Variants in AVL9 observed in about 807,000 individuals in gnomAD.
AVL9 encodes the protein AVL9 cell migration associated.
A neutral mutation model predicts 79.2 loss-of-function variants in AVL9; 49 were observed. That is an observed-to-expected ratio of 0.62 (90% CI 0.49 to 0.79). AVL9 has a LOEUF of 0.79. Among genes scored for constraint, AVL9 ranks in the 30% least tolerant of loss-of-function variants. The pLI is 0.00. For synonymous variants in AVL9, 299 were observed against 280.6 expected (o/e 1.07, Z -0.65); for missense variants, 682 against 776.8 (o/e 0.88, Z 1.45).
rs1791868444 is a variant in AVL9, at chr7:32,587,961, A to G, written c.*4054A>G. On this transcript the variant is annotated 3_prime_UTR_variant, in exon 16 of 16. Transcript: ENST00000318709. ...GGGGAAACTAGTTCCCTTGTATGGT[A>G]ACTCCAAAGTTAAAAAATTGTGCAT... The G allele has an allele frequency of 6.6e-6, 1 of 152,220 alleles. No homozygotes were observed. The highest frequency in any genetic ancestry group is 1.5e-5 in the Non-Finnish European group (1 of 68,040). The allele number at this position is 152,220 out of a possible 1,614,324, so 9.4% of individuals were successfully genotyped here.
At chr7:32,534,352 T>C (rs1224556714) in intron 1 of AVL9, 2 of 151,426 alleles carry the variant, frequency 1.3e-5, no homozygotes, top group Non-Finnish European at 2.9e-5. Flanking sequence ...TGATACATTT[T>C]TTATGCATTG....
chr7:32,573,183 C>T lies in AVL9; in HGVS notation c.1351-16C>T, dbSNP rs755579673. ...GTGAATGCCCAGACTCTGACTTGTA[C>T]CTGGATACCCTCTAGGTAGAAGAAG... On this transcript the variant is annotated splice_polypyrimidine_tract_variant and intron_variant, in intron 11 of 15. Coordinates refer to ENST00000318709, the MANE Select transcript of AVL9 (RefSeq NM_015060.3). 7.3e-5 allele frequency: 117 copies of T among 1,609,376 alleles called. No individual in the cohort carries two copies. Among genetic ancestry groups the T allele is most frequent in the Non-Finnish European group, 7.0e-5 (82 of 1,176,376 alleles).
At chr7:32,582,088 A>T (rs533173456) in intron 15 of AVL9, among the ~76,000 whole-genome samples, 41 of 152,266 alleles carry the variant, frequency 2.7e-4, no homozygotes, top group East Asian at 3.9e-4. Flanking sequence ...CAGTTCTAAA[A>T]TTTTTCATTC....
chr7:32,565,097 G>A (rs1039910217), intron 10 of AVL9, among the ~76,000 whole-genome samples: 3 of 152,182 alleles, frequency 2.0e-5, no homozygotes, highest in Non-Finnish European at 2.9e-5. Flanking sequence ...GCACATTGGA[G>A]CAAAATAGTT....
chr7:32,559,425 A>G lies in AVL9; in HGVS notation c.1176A>G (p.Glu392=), dbSNP rs144601168. The stretch of plus-strand genomic sequence containing the variant: ...TACCAGGGCTCATTTCGGGTTTGGA[A>G]GAGGATCAGTATGGCATGCCCCTGG... ...VLIPGLISGL[E]EDQYGMPLAI... Residue 392 remains glutamate (E), a synonymous_variant, in exon 10 of 16, where the codon GAA becomes GAG. Transcript: ENST00000318709. 6.2e-7 allele frequency: 1 copy of G among 1,603,698 alleles called. No homozygotes were observed. The highest frequency in any genetic ancestry group is 8.5e-7 in the Non-Finnish European group (1 of 1,175,582).
intron 1 of AVL9, among the ~76,000 whole-genome samples, chr7:32,498,302 G>C (rs1786954229): frequency 7.7e-6 from 1 of 129,950 alleles, no homozygotes; most frequent in African/African-American, 2.9e-5. Flanking sequence ...GGAGTTCAGT[G>C]CAGTGGCGCG....
At chr7:32,499,789 C>G (rs1352390199) in intron 1 of AVL9, among the ~76,000 whole-genome samples, 1 of 152,072 alleles carries the variant, frequency 6.6e-6, no homozygotes, top group African/African-American at 2.4e-5. Context: ...ATGTTCCCCT[C>G]CCTGTGTCCA....
In AVL9 at chr7:32,551,369, C is replaced by T. The variant is rs765112789; in HGVS notation, c.408C>T (p.Leu136=). 1.6e-5 allele frequency: 26 copies of T among 1,611,478 alleles called. No homozygotes were observed. The highest frequency in any genetic ancestry group is 2.0e-5 in the Non-Finnish European group (24 of 1,178,232). ...GTTTACTTCAAGCAAAACTTCAACT[C>T]ATTACACATGCATATTTTGAAGAGA... ...LYGLLQAKLQ[L]ITHAYFEEKD... Residue 136 remains leucine (L), a synonymous_variant, in exon 5 of 16, where the codon CTC becomes CTT. Transcript: ENST00000318709.
At chr7:32,576,548 C>T (rs1025924012) in intron 13 of AVL9, among the ~76,000 whole-genome samples, 3 of 152,140 alleles carry the variant, frequency 2.0e-5, no homozygotes, top group African/African-American at 7.2e-5. Flanking sequence ...CTTTGGGAGG[C>T]CGAGGTGGGC....
At chr7:32,527,653 T>C (rs753125278) in intron 1 of AVL9, among the ~76,000 whole-genome samples, 1 of 152,108 alleles carries the variant, frequency 6.6e-6, no homozygotes, top group Non-Finnish European at 1.5e-5. Context: ...CCCTTGACCA[T>C]AGGGAGTCCC....
In AVL9 at chr7:32,586,855, A is replaced by G. The variant is rs903103090; in HGVS notation, c.*2948A>G. 2 of 152,238 alleles carry G rather than the reference A, an allele frequency of 1.3e-5. No homozygotes were observed. The highest frequency in any genetic ancestry group is 1.3e-4 in the Admixed American group (2 of 15,282). The allele number at this position is 152,238 out of a possible 1,614,324, so 9.4% of individuals were successfully genotyped here. On this transcript the variant is annotated 3_prime_UTR_variant, in exon 16 of 16. Coordinates refer to ENST00000318709, the MANE Select transcript of AVL9 (RefSeq NM_015060.3). ...AATGACAATGGTGTAGGTAAGGAAGAGAGAGTTAAAACTACCAGTTGTGGA... is the reference window on the plus strand; with the variant it reads ...AATGACAATGGTGTAGGTAAGGAAGGGAGAGTTAAAACTACCAGTTGTGGA...
At chr7:32,565,081 T>C (rs1159708083) in intron 10 of AVL9, among the ~76,000 whole-genome samples, 1 of 152,210 alleles carries the variant, frequency 6.6e-6, no homozygotes, top group Non-Finnish European at 1.5e-5. Context: ...TGTTCTGGAA[T>C]TGGCTGCACA....
At chr7:32,509,529 A>C (rs1562753715) in intron 1 of AVL9, among the ~76,000 whole-genome samples, 1 of 152,162 alleles carries the variant, frequency 6.6e-6, no homozygotes, top group Non-Finnish European at 1.5e-5. Context: ...TTTCAGACCA[A>C]GTTCCATTGA....
chr7:32,570,849 G>C (rs1790805693), intron 11 of AVL9, among the ~76,000 whole-genome samples: 4 of 148,760 alleles, frequency 2.7e-5, no homozygotes, highest in Admixed American at 2.0e-4. Flanking sequence ...TCGAACTCCT[G>C]ACCTCAGGTG....
chr7:32,551,348 A>G lies in AVL9; in HGVS notation c.387A>G (p.Leu129=), dbSNP rs766737792. The G allele has an allele frequency of 1.2e-6, 2 of 1,606,810 alleles. No homozygotes were observed. The highest frequency in any genetic ancestry group is 4.5e-5 in the East Asian group (2 of 44,738). The change falls in exon 5 of 16, where the codon TTA becomes TTG. Residue 129 remains leucine, a synonymous_variant. Coordinates refer to ENST00000318709, the MANE Select transcript of AVL9 (RefSeq NM_015060.3). The part of the protein sequence containing the change: ...CVLSKLPLYG[L]LQAKLQLITH... ...TTTCCTTTAAGCCTCTGTATGGTTT[A>G]CTTCAAGCAAAACTTCAACTCATTA...
intron 4 of AVL9, among the ~76,000 whole-genome samples, chr7:32,549,227 ATAAT>A (rs1562781408): frequency 7.3e-4 from 91 of 124,246 alleles, no homozygotes; most frequent in African/African-American, 1.7e-3. Flanking sequence ...ATATATATAT[ATAAT>A]TTTTTTTTTT....
chr7:32,581,087 G>T, intron 15 of AVL9, 197 bp downstream of exon 15: 1 of 529,676 alleles, frequency 1.9e-6, no homozygotes, highest in Non-Finnish European at 3.3e-6. Context: ...TTATCTAATA[G>T]AGAGTGACAA....
chr7:32,517,811 G>GTT (rs143487006), intron 1 of AVL9, among the ~76,000 whole-genome samples: 25,330 of 128,436 alleles, frequency 0.2, 2,293 homozygotes, highest in South Asian at 0.36. Context: ...TTGCTTGTGT[G>GTT]TTTTTTTTTT....
At position 32,552,282 on chromosome 7, in the gene AVL9, C is replaced by A; in HGVS notation, c.516C>A (p.Ser172=). The part of the protein sequence containing the change: ...SSLGGASLEG[S]QVYLGLSPRD... ...TGGGAGGTGCTTCATTAGAAGGATC[C>A]CAAGTATATCTTGGTAAGTAACTGA... The change falls in exon 6 of 16, where the codon TCC becomes TCA. Residue 172 remains serine, a synonymous_variant. Transcript: ENST00000318709. 3 of 1,598,020 alleles carry A rather than the reference C, an allele frequency of 1.9e-6. No homozygotes were observed. Among genetic ancestry groups the A allele is most frequent in the Non-Finnish European group, 2.6e-6 (3 of 1,166,796 alleles).
Sources: gnomAD v4.1 joint callset for allele counts (sites outside exome capture counted in the v4.1 genomes callset) on GRCh38, gnomAD v4.1.1 for gene constraint, MANE v1.5 for transcripts, NCBI Gene and HGNC (gene_info 2026-07-23, HGNC 2026-07-21) for gene names.